Variants in ADGRF4 observed in about 807,000 individuals in gnomAD.
The protein encoded by ADGRF4 is adhesion G protein-coupled receptor F4, also known as G-protein coupled receptor PGR18.
A neutral mutation model predicts 58.5 loss-of-function variants in ADGRF4; 63 were observed. The ratio of observed to expected loss-of-function variants is 1.08; its 90% CI spans 0.88 to 1.33. The LOEUF (loss-of-function observed/expected upper bound fraction) is 1.33. Ranked by LOEUF, ADGRF4 falls within the 40% of genes most tolerant of loss-of-function variation. The probability of loss-of-function intolerance (pLI) is 0.00; values close to 1 mark genes in which losing one functional copy is unlikely to be tolerated. For synonymous variants in ADGRF4, 313 were observed against 295.4 expected, an observed-to-expected ratio of 1.06 and a Z score of -0.61; for missense variants, 931 against 843.9, an observed-to-expected ratio of 1.10 and a Z score of -1.28.
rs145914351 is a variant in ADGRF4 at position 47,714,115 on chromosome 6, C to T, written c.870C>T (p.Ala290=). 5 of 1,613,878 alleles carry T rather than the reference C, an allele frequency of 3.1e-6. No homozygotes were observed. In the African/African-American group the frequency reaches 4.0e-5, roughly 13 times the overall value. Residue 290 remains alanine, a synonymous_variant, in exon 6 of 10, where the codon GCC becomes GCT. Coordinates refer to ENST00000283303, the MANE Select transcript of ADGRF4 (RefSeq NM_153838.5). ...AGCTGTGGCCAAATGCATCCCAAGC[C>T]ATTAGCATAGCTTTCCCAACCTTGG... ...LRKLWPNASQ[A]ISIAFPTLGA...
intron 3 of ADGRF4, 148 bp downstream of exon 3, chr6:47,708,426 G>T (rs1771777199): frequency 1.0e-5 from 6 of 598,262 alleles, no homozygotes; most frequent in Admixed American, 2.9e-5. Context: ...AGTATTGATA[G>T]ATTCTCTTAC....
chr6:47,707,156 G>T, intron 1 of ADGRF4, 74 bp from the exon 2 acceptor site: 1 of 849,356 alleles, frequency 1.2e-6, no homozygotes, highest in Non-Finnish European at 2.1e-6. Flanking sequence ...TAAGGGGTTG[G>T]TTAGCCGGAT....
Position 47,710,754 on chromosome 6 carries a change from T to C in ADGRF4, c.168T>C (p.Cys56=). 2 of 1,607,632 alleles carry C rather than the reference T, an allele frequency of 1.2e-6. No individual in the cohort carries two copies. The highest frequency in any genetic ancestry group is 1.1e-5 in the South Asian group (1 of 89,800). ...TTATAGAGAAATGCGAAGGACCTTGTATTTCTTCTTCCAACTGCAGCCAGC... is the reference window on the plus strand; with the variant it reads ...TTATAGAGAAATGCGAAGGACCTTGCATTTCTTCTTCCAACTGCAGCCAGC... ...GRIQEKCEGP[C]ISSSNCSQPC... The change falls in exon 4 of 10, where the codon TGT becomes TGC. Residue 56 remains cysteine (C), a synonymous_variant. Coordinates refer to ENST00000283303, the MANE Select transcript of ADGRF4 (RefSeq NM_153838.5).
intron 4 of ADGRF4, 96 bp downstream of exon 4, chr6:47,710,982 C>G (rs1318391): frequency 0.25 from 299,927 of 1,182,118 alleles, 40,700 homozygotes; most frequent in East Asian, 0.56. Context: ...CAAAAAGTCT[C>G]AGATCCGCAC....
intron 2 of ADGRF4, 68 bp from the exon 3 acceptor site, chr6:47,708,156 C>A: frequency 1.8e-6 from 2 of 1,139,958 alleles, no homozygotes; most frequent in Non-Finnish European, 2.7e-6. Context: ...TCATATGGAG[C>A]CTCTAAGCTG....
Position 47,713,880 on chromosome 6 carries a change from C to G in ADGRF4, c.635C>G (p.Ser212Trp), listed in dbSNP as rs145448448. 7 of 1,605,398 alleles carry G rather than the reference C, an allele frequency of 4.4e-6. No homozygotes were observed. Among genetic ancestry groups the G allele is most frequent in the Non-Finnish European group, 5.9e-6 (7 of 1,176,740 alleles). Residue 212 changes from serine (S) to tryptophan (W), a missense_variant, in exon 6 of 10, where the codon TCG becomes TGG. Transcript: ENST00000283303. Reference protein sequence around the residue: ...WAFIPNKNASSDLLQSVNLFA... With the variant: ...WAFIPNKNASWDLLQSVNLFA... The stretch of plus-strand genomic sequence containing the variant: ...TTCATTCCCAACAAAAATGCCAGCT[C>G]GGATTTGTTGCAGTCAGTGAATTTG...
At chr6:47,707,105 C>A (rs1297755287) in intron 1 of ADGRF4, 125 bp from the exon 2 acceptor site, 9 of 628,782 alleles carry the variant, frequency 1.4e-5, no homozygotes, top group Non-Finnish European at 2.3e-5. Flanking sequence ...CCAGGGCAGG[C>A]TGCTTTGGCA....
At chr6:47,710,912 A>G (rs1490159296) in intron 4 of ADGRF4, 26 bp downstream of exon 4, 3 of 1,600,440 alleles carry the variant, frequency 1.9e-6, no homozygotes, top group Admixed American at 3.4e-5. Context: ...ATTATTGGTG[A>G]CAGAAGCCAA....
At chr6:47,710,599 G>A (rs960168793) in intron 3 of ADGRF4, 136 bp from the exon 4 acceptor site, 16 of 731,538 alleles carry the variant, frequency 2.2e-5, no homozygotes, top group African/African-American at 5.4e-5. Flanking sequence ...ACTCATTGCC[G>A]TGGACCCAGT....
chr6:47,704,548 A>G (rs1771661817), intron 1 of ADGRF4, among the ~76,000 whole-genome samples: 1 of 152,070 alleles, frequency 6.6e-6, no homozygotes, highest in Non-Finnish European at 1.5e-5. Context: ...AGAAAGGATT[A>G]AAGTGATCAC....
rs534548804 is a variant in ADGRF4 at position 47,711,067 on chromosome 6, C to T, written c.300+181C>T. The stretch of plus-strand genomic sequence containing the variant: ...TTACCCAAACTTTCAGGTACTCTCC[C>T]TCCTCTCTATATGCTCTCTATTTCT... On this transcript the variant is annotated intron_variant, in intron 4 of 9. Coordinates refer to ENST00000283303, the MANE Select transcript of ADGRF4 (RefSeq NM_153838.5). Among the ~76,000 whole-genome samples the T allele has an allele frequency of 8.5e-4, 128 of 151,432 alleles. 1 individual carries two copies. Among genetic ancestry groups the T allele is most frequent in the Admixed American group, 1.1e-3 (17 of 15,210 alleles).
At position 47,714,562 on chromosome 6, in the gene ADGRF4, T is replaced by C. The variant is rs1168970937; in HGVS notation, c.1317T>C (p.Arg439=). ...TTGTGACGGAGATATCATACATGCG[T>C]CACGTGTGCATCGTGAATATAGCAG... ...RVVVTEISYM[R]HVCIVNIAVS... is the part of the protein sequence containing the mutation. Residue 439 remains arginine (R), a synonymous_variant, in exon 6 of 10, where the codon CGT becomes CGC. Coordinates refer to ENST00000283303, the MANE Select transcript of ADGRF4 (RefSeq NM_153838.5). The C allele has an allele frequency of 6.2e-7, 1 of 1,614,112 alleles. No homozygotes were observed. Among genetic ancestry groups the C allele is most frequent in the East Asian group, 2.2e-5 (1 of 44,858 alleles).
intron 4 of ADGRF4, among the ~76,000 whole-genome samples, chr6:47,711,866 G>A (rs1335680782): frequency 6.8e-6 from 1 of 147,124 alleles, no homozygotes; most frequent in East Asian, 2.0e-4. Flanking sequence ...GAAAGTGAAT[G>A]AAAGGAAATA....
intron 1 of ADGRF4, among the ~76,000 whole-genome samples, chr6:47,706,073 C>A (rs1463929513): frequency 6.6e-6 from 1 of 152,200 alleles, no homozygotes; most frequent in Non-Finnish European, 1.5e-5. Context: ...TAGTAGACAT[C>A]AGATTATAGT....
intron 9 of ADGRF4, among the ~76,000 whole-genome samples, chr6:47,718,678 A>G (rs1156413560): frequency 2.6e-5 from 4 of 152,150 alleles, no homozygotes; most frequent in Non-Finnish European, 4.4e-5. Context: ...AACCCATCAC[A>G]CCTGCTGTCT....
chr6:47,719,948 C>T (rs924244307), intron 9 of ADGRF4, among the ~76,000 whole-genome samples: 10 of 152,108 alleles, frequency 6.6e-5, no homozygotes, highest in African/African-American at 1.4e-4. Flanking sequence ...ATGAGGTAGG[C>T]GAGGAACTGA....
intron 1 of ADGRF4, among the ~76,000 whole-genome samples, chr6:47,704,873 T>C (rs1771670434): frequency 6.6e-6 from 1 of 152,290 alleles, no homozygotes; most frequent in Middle Eastern, 3.4e-3. Flanking sequence ...TCTATGTATG[T>C]CTGTACATAG....
intron 9 of ADGRF4, 36 bp downstream of exon 9, chr6:47,718,481 C>A (rs373765111): frequency 9.2e-6 from 11 of 1,190,408 alleles, no homozygotes; most frequent in African/African-American, 1.5e-5. Context: ...ATTTCACTTG[C>A]AATTTGTGTC....
chr6:47,704,152 C>T (rs943960509), intron 1 of ADGRF4, among the ~76,000 whole-genome samples: 43 of 151,878 alleles, frequency 2.8e-4, no homozygotes, highest in African/African-American at 8.2e-4. Context: ...TGGGTTCAGG[C>T]GATTCTCCTA....
Sources: gnomAD v4.1 joint callset for allele counts (sites outside exome capture counted in the v4.1 genomes callset) on GRCh38, gnomAD v4.1.1 for gene constraint, MANE v1.5 for transcripts, NCBI Gene and HGNC (gene_info 2026-07-23, HGNC 2026-07-21) for gene names.